RNF19B: variants seen among roughly 807,000 people sequenced by gnomAD.
RNF19B encodes the protein ring finger protein 19B.
RNF19B carries 23 observed loss-of-function variants against 65.5 expected under a neutral mutation model. That is an observed-to-expected ratio of 0.35 (90% CI 0.25 to 0.50). The LOEUF (loss-of-function observed/expected upper bound fraction) is 0.50. Ranked by LOEUF, RNF19B falls within the 20% of genes least tolerant of loss-of-function variation. The probability of loss-of-function intolerance (pLI) is 0.98; values close to 1 mark genes in which losing one functional copy is unlikely to be tolerated. For missense variants in RNF19B, 794 were observed against 980.0 expected (o/e 0.81, Z 2.53); for synonymous variants, 372 against 379.6 (o/e 0.98, Z 0.23).
chr1:32,931,451 TC>T (rs1642029634), downstream of RNF19B, among the ~76,000 whole-genome samples: 1 of 152,092 alleles, frequency 6.6e-6, no homozygotes, highest in Non-Finnish European at 1.5e-5. Flanking sequence ...ACCAGCCATA[TC>T]TATAAGGGGA....
At chr1:32,963,156 C>T (rs1324796813) in intron 1 of RNF19B, among the ~76,000 whole-genome samples, 1 of 152,146 alleles carries the variant, frequency 6.6e-6, no homozygotes, top group East Asian at 1.9e-4. Flanking sequence ...CTACCCCTCA[C>T]CCTACCCAAG....
At chr1:32,938,643 T>C in intron 7 of RNF19B, 115 bp from the exon 8 acceptor site, 1 of 1,080,456 alleles carries the variant, frequency 9.3e-7, no homozygotes, top group Non-Finnish European at 1.4e-6. Flanking sequence ...GTCTGTCTGA[T>C]CTTCTCCAAC....
chr1:32,934,676 G>A (rs1642068545), downstream of RNF19B, among the ~76,000 whole-genome samples: 2 of 152,014 alleles, frequency 1.3e-5, no homozygotes, highest in South Asian at 4.1e-4. Context: ...GCCAGACTCC[G>A]TCTCTAAATA....
At chr1:32,957,940 T>C (rs947242536) in intron 1 of RNF19B, among the ~76,000 whole-genome samples, 3 of 152,364 alleles carry the variant, frequency 2.0e-5, no homozygotes, top group African/African-American at 4.8e-5. Flanking sequence ...ATATTTCTTA[T>C]CTTTTTCATC....
chr1:32,941,212 G>GGA (rs1553143603), intron 7 of RNF19B, among the ~76,000 whole-genome samples: 6 of 150,806 alleles, frequency 4.0e-5, no homozygotes, highest in African/African-American at 1.5e-4. Flanking sequence ...GACACAGTGA[G>GGA]AAAAAAAACA....
At chr1:32,961,752 AT>A (rs942290123) in intron 1 of RNF19B, among the ~76,000 whole-genome samples, 1 of 152,132 alleles carries the variant, frequency 6.6e-6, no homozygotes, top group African/African-American at 2.4e-5. Context: ...AAATGGCCTA[AT>A]TTTTTAATAA....
chr1:32,956,799 A>T (rs952486047), intron 1 of RNF19B, among the ~76,000 whole-genome samples: 3 of 152,184 alleles, frequency 2.0e-5, no homozygotes, highest in Non-Finnish European at 2.9e-5. Flanking sequence ...TGGTTAAAGA[A>T]ATGTGTTCCT....
intron 2 of RNF19B, among the ~76,000 whole-genome samples, chr1:32,948,967 GA>G (rs1272250584): frequency 6.6e-6 from 1 of 152,094 alleles, no homozygotes; most frequent in African/African-American, 2.4e-5. Flanking sequence ...GCTGTGCCAG[GA>G]AAAAGTGAAT....
chr1:32,942,127 CA>C, intron 7 of RNF19B, 124 bp downstream of exon 7: 1 of 846,664 alleles, frequency 1.2e-6, no homozygotes, highest in Non-Finnish European at 1.8e-6. Context: ...CAAAACAAAA[CA>C]AAACCATTGA....
chr1:32,948,954 T>C (rs555045516), intron 2 of RNF19B, among the ~76,000 whole-genome samples: 2 of 152,298 alleles, frequency 1.3e-5, no homozygotes, highest in Admixed American at 6.5e-5. Context: ...TTTAGGAAAT[T>C]ATGCTGTGCC....
In RNF19B at chr1:32,942,415, T is replaced by C; in HGVS notation, c.1447A>G (p.Ser483Gly). The change falls in exon 7 of 9, where the codon AGC (serine) becomes GGC (glycine). Residue 483 changes from serine to glycine, a missense_variant. Transcript: ENST00000235150. ...RALKNPSIGE[S>G]SIEGLTSVLS... ...ACACTAGTCAGGCCTTCAATGCTGCTTTCCCCAATGCTGGGATTCTTGAGG... is the reference window on the plus strand; with the variant it reads ...ACACTAGTCAGGCCTTCAATGCTGCCTTCCCCAATGCTGGGATTCTTGAGG... 1 of 1,614,196 alleles carries C rather than the reference T, an allele frequency of 6.2e-7. No individual in the cohort carries two copies. Among genetic ancestry groups the C allele is most frequent in the Non-Finnish European group, 8.5e-7 (1 of 1,180,026 alleles).
Position 32,936,693 on chromosome 1 carries a change from G to A in RNF19B, c.*113C>T, listed in dbSNP as rs868520875. ...TTCCCTGGGCAAAAACCTGTGACCA[G>A]AGAATCTGTGAAATAAAATACATAA... On this transcript the variant is annotated 3_prime_UTR_variant, in exon 9 of 9. Transcript: ENST00000235150. 6.8e-6 allele frequency: 7 copies of A among 1,030,630 alleles called. No homozygotes were observed. In the African/African-American group the frequency reaches 1.0e-4, roughly 15 times the overall value. The allele number at this position is 1,030,630 out of a possible 1,614,324, so 63.8% of individuals were successfully genotyped here. A position where few individuals can be genotyped will look rare whatever the true frequency, so the allele number is the denominator to read the frequency against.
Position 32,936,850 on chromosome 1 carries a change from C to A in RNF19B, c.2152G>T (p.Gly718Ter), listed in dbSNP as rs199961427. 6.3e-7 allele frequency: 1 copy of A among 1,594,460 alleles called. No individual in the cohort carries two copies. Among genetic ancestry groups the A allele is most frequent in the Admixed American group, 1.7e-5 (1 of 58,914 alleles). The change falls in exon 9 of 9, where the codon GGA becomes TGA. Residue 718 changes from glycine to a stop codon, truncating the protein, a stop_gained. Coordinates refer to ENST00000235150, the MANE Select transcript of RNF19B (RefSeq NM_001300826.2). LOFTEE classifies it high-confidence loss of function. Reference protein sequence around the residue: ...AHMNLSALAEGQTVLKPEGGE... With the variant: ...AHMNLSALAE ...CCTTCTGGCTTCAAGACAGTTTGTC[C>A]CTCGGCTAGGGCAGAGAGGTTCATA...
chr1:32,953,127 CTTTT>C lies in RNF19B; in HGVS notation c.636-3357_636-3354del, dbSNP rs1477808922. Among the ~76,000 whole-genome samples, 4 of 150,924 alleles carry C rather than the reference CTTTT, an allele frequency of 2.7e-5. 1 individual carries two copies. Among genetic ancestry groups the C allele is most frequent in the Non-Finnish European group, 5.9e-5 (4 of 67,762 alleles). On this transcript the variant is annotated intron_variant, in intron 1 of 8. Transcript: ENST00000235150. ...TACCACCATGCCCAGCTAACTTTTT[CTTTT>C]TTCTTTTTATTTTTTTTTTGTAGAG...
chr1:32,946,699 C>A (rs1388376877), intron 3 of RNF19B, 135 bp from the exon 4 acceptor site: 1 of 756,596 alleles, frequency 1.3e-6, no homozygotes, highest in Non-Finnish European at 2.0e-6. Flanking sequence ...ATACATTACA[C>A]AAGGGAGAGC....
At chr1:32,942,580 C>T (rs866712707) in intron 6 of RNF19B, 121 bp from the exon 7 acceptor site, 1 of 709,138 alleles carries the variant, frequency 1.4e-6, no homozygotes, top group South Asian at 2.0e-5. Flanking sequence ...GTACTGTGTG[C>T]AGTCGCCACA....
downstream of RNF19B, among the ~76,000 whole-genome samples, chr1:32,933,945 A>G (rs1256539803): frequency 6.6e-6 from 1 of 152,110 alleles, no homozygotes; most frequent in African/African-American, 2.4e-5. Context: ...TGCCCCTCCA[A>G]CAGACTTCTT....
chr1:32,964,763 G>A lies in RNF19B; in HGVS notation c.-78C>T. 4.0e-6 allele frequency: 5 copies of A among 1,258,274 alleles called. No individual in the cohort carries two copies. The highest frequency in any genetic ancestry group is 4.0e-5 in the South Asian group (2 of 49,736). The allele number at this position is 1,258,274 out of a possible 1,614,324, so 77.9% of individuals were successfully genotyped here. Reference sequence around the variant, plus strand: ...CTCAGCGCCCCTCAGCCAGCGCCCGGCCGCCGCCGACGCCGCCACCACCGC... The same window carrying A: ...CTCAGCGCCCCTCAGCCAGCGCCCGACCGCCGCCGACGCCGCCACCACCGC... On this transcript the variant is annotated 5_prime_UTR_variant, in exon 1 of 9. Transcript: ENST00000235150. This position sits in a 1 kb window ranked among gnomAD's most constrained non-coding sequence, Gnocchi z 6.5.
At chr1:32,954,142 C>T (rs1445887900) in intron 1 of RNF19B, among the ~76,000 whole-genome samples, 1 of 150,634 alleles carries the variant, frequency 6.6e-6, no homozygotes, top group Non-Finnish European at 1.5e-5. Context: ...AACTCCTGGC[C>T]TTCAAGTGAT....
Sources: gnomAD v4.1 joint callset for allele counts (sites outside exome capture counted in the v4.1 genomes callset) on GRCh38, gnomAD v4.1.1 for gene constraint, Gnocchi (gnomAD v3.1) non-coding constraint, MANE v1.5 for transcripts, NCBI Gene and HGNC (gene_info 2026-07-23, HGNC 2026-07-21) for gene names.